The following AGBL4 variants were observed in gnomAD, a reference collection of about 807,000 sequenced individuals.
The protein encoded by AGBL4 is cytosolic carboxypeptidase 6.
Under a neutral mutation model 66.4 loss-of-function variants are expected in AGBL4, and 58 were observed. The observed-to-expected ratio is 0.87, with a 90% CI of 0.71 to 1.09. AGBL4 has a LOEUF of 1.09. AGBL4 is among the 50% of genes least tolerant of loss of function. The pLI is 0.00. For synonymous variants in AGBL4, 234 were observed against 222.9 expected (o/e 1.05, Z -0.44); for missense variants, 579 against 631.0 (o/e 0.92, Z 0.88).
intron 9 of AGBL4, among the ~76,000 whole-genome samples, chr1:48,606,637 C>A (rs1245550192): frequency 6.6e-6 from 1 of 152,156 alleles, no homozygotes; most frequent in Non-Finnish European, 1.5e-5. Context: ...GATTCCAGAT[C>A]TGACACTCCA....
chr1:48,933,801 C>T (rs1461981183), intron 5 of AGBL4, among the ~76,000 whole-genome samples: 3 of 152,148 alleles, frequency 2.0e-5, no homozygotes, highest in Non-Finnish European at 4.4e-5. Context: ...TTACTTCTTC[C>T]CAATCATCTC....
At chr1:48,573,181 C>T (rs896110498) in intron 11 of AGBL4, among the ~76,000 whole-genome samples, 10 of 152,216 alleles carry the variant, frequency 6.6e-5, no homozygotes, top group African/African-American at 2.4e-4. Context: ...TTCCCCTTCA[C>T]CAGGAATCAT....
chr1:50,001,256 G>T (rs1660730503), intron 1 of AGBL4, among the ~76,000 whole-genome samples: 1 of 150,394 alleles, frequency 6.6e-6, no homozygotes, highest in African/African-American at 2.4e-5. Context: ...AACAAAAAAG[G>T]CAAATACACG....
At chr1:49,684,449 T>C (rs917550784) in intron 3 of AGBL4, among the ~76,000 whole-genome samples, 3 of 152,172 alleles carry the variant, frequency 2.0e-5, no homozygotes, top group East Asian at 3.9e-4. Flanking sequence ...GGGTCTTTTT[T>C]AATTGTTCAG....
At chr1:49,817,752 T>G (rs1199561874) in intron 2 of AGBL4, among the ~76,000 whole-genome samples, 1 of 152,192 alleles carries the variant, frequency 6.6e-6, no homozygotes, top group Non-Finnish European at 1.5e-5. Flanking sequence ...GGCTAACATC[T>G]AATCCCATTT....
chr1:48,804,121 T>C (rs1356718012), intron 6 of AGBL4, among the ~76,000 whole-genome samples: 7 of 152,186 alleles, frequency 4.6e-5, no homozygotes, highest in Non-Finnish European at 1.0e-4. Flanking sequence ...ATTACCTCTT[T>C]TGTTCAGGCT....
chr1:49,080,826 C>T (rs1355545793), intron 4 of AGBL4, among the ~76,000 whole-genome samples: 3 of 152,130 alleles, frequency 2.0e-5, no homozygotes, highest in African/African-American at 4.8e-5. Flanking sequence ...TTTGAAATTA[C>T]AGTCCAATTT....
At chr1:48,548,516 T>C (rs1262980889) in intron 11 of AGBL4, among the ~76,000 whole-genome samples, 3 of 152,202 alleles carry the variant, frequency 2.0e-5, no homozygotes, top group Non-Finnish European at 4.4e-5. Context: ...TGTCTCCAGG[T>C]CCAGGTCCTC....
intron 3 of AGBL4, among the ~76,000 whole-genome samples, chr1:49,249,194 G>A (rs944055936): frequency 1.3e-5 from 2 of 152,056 alleles, no homozygotes; most frequent in Non-Finnish European, 2.9e-5. Flanking sequence ...ATTTAATATT[G>A]TTCACGTTAG....
chr1:49,072,462 G>C (rs941912260), intron 4 of AGBL4, among the ~76,000 whole-genome samples: 1 of 152,110 alleles, frequency 6.6e-6, no homozygotes, highest in Non-Finnish European at 1.5e-5. Flanking sequence ...CTCAGCATTT[G>C]CTTGTCTGTA....
In AGBL4 at chr1:48,634,352, G is replaced by GA. The variant is rs561249882; in HGVS notation, c.951+140dup. 6 of 596,696 alleles carry GA rather than the reference G, an allele frequency of 1.0e-5. No individual in the cohort carries two copies. In the South Asian group the frequency reaches 1.2e-4, roughly 11 times the overall value. 37.0% of individuals were successfully genotyped at this position (596,696 alleles called of 1,614,324 possible). On this transcript the variant is annotated intron_variant, in intron 9 of 13. Transcript: ENST00000371839. The stretch of plus-strand genomic sequence containing the variant: ...AAGGTCCTTGGGTCTGCTGGATTCA[G>GA]AGAAGAGCAGGCCTAGTGCCTCCCT...
intron 3 of AGBL4, among the ~76,000 whole-genome samples, chr1:49,552,543 C>A (rs749614131): frequency 3.3e-5 from 5 of 152,190 alleles, no homozygotes; most frequent in Non-Finnish European, 7.3e-5. Context: ...CAGGTAAGGT[C>A]GGAAACTTCT....
intron 2 of AGBL4, among the ~76,000 whole-genome samples, chr1:49,816,345 A>C (rs768390763): frequency 6.6e-6 from 1 of 152,216 alleles, no homozygotes; most frequent in Admixed American, 6.6e-5. Flanking sequence ...CAAAAAGCAT[A>C]GGATGCTCAG....
At chr1:49,922,329 C>T (rs1652342799) in intron 1 of AGBL4, among the ~76,000 whole-genome samples, 1 of 152,138 alleles carries the variant, frequency 6.6e-6, no homozygotes, top group African/African-American at 2.4e-5. Flanking sequence ...CCATATATAA[C>T]AAACCCACAG....
At chr1:49,770,300 T>C (rs1471803048) in intron 2 of AGBL4, among the ~76,000 whole-genome samples, 1 of 152,264 alleles carries the variant, frequency 6.6e-6, no homozygotes, top group East Asian at 1.9e-4. Flanking sequence ...TTTATCTTTA[T>C]TTTGTTGATG....
rs187364664 is a variant in AGBL4 at position 48,626,936 on chromosome 1, A to G, written c.951+7557T>C. 2.2e-3 allele frequency among the ~76,000 whole-genome samples: 333 copies of G among 152,230 alleles called. 2 individuals carry two copies. Among genetic ancestry groups the G allele is most frequent in the African/African-American group, 7.8e-3 (324 of 41,538 alleles). On this transcript the variant is annotated intron_variant, in intron 9 of 13. Transcript: ENST00000371839. Reference sequence around the variant, plus strand: ...CCTAGGGAGTGATAAATATCCTGCCATAGGGGGTAAAGAATTACCTCACCC... The same window carrying G: ...CCTAGGGAGTGATAAATATCCTGCCGTAGGGGGTAAAGAATTACCTCACCC...
At chr1:49,052,296 T>C (rs1644232342) in intron 4 of AGBL4, among the ~76,000 whole-genome samples, 2 of 152,144 alleles carry the variant, frequency 1.3e-5, no homozygotes, top group South Asian at 4.1e-4. Context: ...AGAATGCCAA[T>C]GCAGACAGAA....
At chr1:48,626,722 C>G (rs566594775) in intron 9 of AGBL4, among the ~76,000 whole-genome samples, 16 of 152,292 alleles carry the variant, frequency 1.1e-4, no homozygotes, top group Admixed American at 1.3e-4. Flanking sequence ...TATTCCCAAC[C>G]CCATTTACTG....
intron 3 of AGBL4, among the ~76,000 whole-genome samples, chr1:49,445,125 A>G (rs1646125178): frequency 6.6e-6 from 1 of 152,044 alleles, no homozygotes; most frequent in African/African-American, 2.4e-5. Flanking sequence ...TTTGCTGGAA[A>G]AAATCTTTGT....
Sources: gnomAD v4.1 joint callset for allele counts (sites outside exome capture counted in the v4.1 genomes callset) on GRCh38, gnomAD v4.1.1 for gene constraint, MANE v1.5 for transcripts, NCBI Gene and HGNC (gene_info 2026-07-23, HGNC 2026-07-21) for gene names.